The following EFNA2 variants were observed in gnomAD, a reference collection of about 807,000 sequenced individuals.
EFNA2 encodes ephrin-A2.
A neutral mutation model predicts 19.7 loss-of-function variants in EFNA2; 18 were observed. That is an observed-to-expected ratio of 0.91 (90% CI 0.63 to 1.35). The LOEUF (loss-of-function observed/expected upper bound fraction) is 1.35. Ranked by LOEUF, EFNA2 falls within the 40% of genes most tolerant of loss-of-function variation. The probability of loss-of-function intolerance (pLI) is 0.00; values close to 1 mark genes in which losing one functional copy is unlikely to be tolerated. For missense variants in EFNA2, 303 were observed against 296.0 expected (o/e 1.02, Z -0.17); for synonymous variants, 187 against 137.8 (o/e 1.36, Z -2.50).
rs1359324262 is a variant in EFNA2, at chr19:1,286,141, G to C, written c.-28G>C. On this transcript the variant is annotated 5_prime_UTR_variant, in exon 1 of 4. Coordinates refer to ENST00000215368, the MANE Select transcript of EFNA2 (RefSeq NM_001405.4). The surrounding 1 kb of genome is among the most constrained non-coding windows in gnomAD (Gnocchi z 5.6). ...GAAGGCTGGCAGGCGGCGGCCGGGA[G>C]AGCGAGCGCGGCGGCCGGACCGGGG... 1 of 869,376 alleles carries C rather than the reference G, an allele frequency of 1.2e-6. No homozygotes were observed. The highest frequency in any genetic ancestry group is 1.4e-6 in the Non-Finnish European group (1 of 725,226). 53.9% of individuals were successfully genotyped at this position (869,376 alleles called of 1,614,324 possible). A position where few individuals can be genotyped will look rare whatever the true frequency, so the allele number is the denominator to read the frequency against.
chr19:1,288,273 T>C (rs543603548), intron 1 of EFNA2, among the ~76,000 whole-genome samples: 214 of 152,316 alleles, frequency 1.4e-3, no homozygotes, highest in African/African-American at 4.9e-3. Context: ...AGTTCTCAGA[T>C]TTGGTGTCCA....
chr19:1,296,616 TC>T lies in EFNA2; in HGVS notation c.454+760del, dbSNP rs1184791949. 1.6e-4 allele frequency among the ~76,000 whole-genome samples: 24 copies of T among 152,152 alleles called. No individual in the cohort carries two copies. The highest frequency in any genetic ancestry group is 3.4e-3 in the Middle Eastern group (1 of 294). Reference sequence around the variant, plus strand: ...ATGAGCTCTGGTCGCTCCACTGCACTCCAGCCTGGGTGGCAGAGCGAGACCC... The same window carrying T: ...ATGAGCTCTGGTCGCTCCACTGCACTCAGCCTGGGTGGCAGAGCGAGACCC... On this transcript the variant is annotated intron_variant, in intron 2 of 3. Coordinates refer to ENST00000215368, the MANE Select transcript of EFNA2 (RefSeq NM_001405.4). This position sits in a 1 kb window ranked among gnomAD's most constrained non-coding sequence, Gnocchi z 4.4.
At chr19:1,291,437 T>C (rs2081491033) in intron 1 of EFNA2, among the ~76,000 whole-genome samples, 1 of 152,180 alleles carries the variant, frequency 6.6e-6, no homozygotes, top group African/African-American at 2.4e-5. Context: ...GGGGGACATC[T>C]CTTCCGTCCC....
intron 2 of EFNA2, among the ~76,000 whole-genome samples, 197 bp from the exon 3 acceptor site, chr19:1,298,354 C>T (rs1182938364): frequency 2.0e-5 from 3 of 152,164 alleles, no homozygotes; most frequent in Non-Finnish European, 2.9e-5. Context: ...GAAGGAGGAG[C>T]AGGGGGAATG....
At position 1,294,723 on chromosome 19, in the gene EFNA2, T is replaced by C. The variant is rs1003223950; in HGVS notation, c.141-822T>C. Among the ~76,000 whole-genome samples the C allele has an allele frequency of 6.6e-6, 1 of 151,908 alleles. No homozygotes were observed. The highest frequency in any genetic ancestry group is 2.4e-5 in the African/African-American group (1 of 41,350). On this transcript the variant is annotated intron_variant, in intron 1 of 3. Transcript: ENST00000215368. This position sits in a 1 kb window ranked among gnomAD's most constrained non-coding sequence, Gnocchi z 5.8. ...TGCTGAGAGGAGGGTGGAGGGATTC[T>C]TCACGCCAAGCTCCGTTCTCTTTGG...
At chr19:1,291,145 C>G (rs2081489761) in intron 1 of EFNA2, among the ~76,000 whole-genome samples, 1 of 152,190 alleles carries the variant, frequency 6.6e-6, no homozygotes. Context: ...AAGCCAGGGA[C>G]AGCCCTGGGA....
rs545527971 is a variant in EFNA2, at chr19:1,300,366, T to C, written c.*421T>C. ...GTAGCGGGGCGGGGTCCCTGTGCCC[T>C]GGCCTGGGGGAGGGGAACGCGGAAC... On this transcript the variant is annotated 3_prime_UTR_variant, in exon 4 of 4. Transcript: ENST00000215368. 1.2e-3 allele frequency: 184 copies of C among 157,288 alleles called. 1 individual carries two copies. Among genetic ancestry groups the C allele is most frequent in the African/African-American group, 4.2e-3 (174 of 40,950 alleles). 9.7% of individuals were successfully genotyped at this position (157,288 alleles called of 1,614,324 possible). A position where few individuals can be genotyped will look rare whatever the true frequency, so the allele number is the denominator to read the frequency against.
In EFNA2 at chr19:1,295,507, G is replaced by A. The variant is rs1449649297; in HGVS notation, c.141-38G>A. ...CACCCCGACCCGTGCCCCGTTCCTC[G>A]CTCCGGGCGCTGACCTCTGGCCGCC... On this transcript the variant is annotated intron_variant, in intron 1 of 3. Transcript: ENST00000215368. This position sits in a 1 kb window ranked among gnomAD's most constrained non-coding sequence, Gnocchi z 5.8. 1 of 1,499,998 alleles carries A rather than the reference G, an allele frequency of 6.7e-7. No homozygotes were observed. Among genetic ancestry groups the A allele is most frequent in the Middle Eastern group, 1.7e-4 (1 of 5,736 alleles). 92.9% of individuals were successfully genotyped at this position (1,499,998 alleles called of 1,614,324 possible). A position where few individuals can be genotyped will look rare whatever the true frequency, so the allele number is the denominator to read the frequency against.
upstream of EFNA2, among the ~76,000 whole-genome samples, chr19:1,284,853 G>A (rs958949197): frequency 2.6e-5 from 4 of 152,218 alleles, no homozygotes; most frequent in South Asian, 2.1e-4. The surrounding 1 kb of genome is among the most constrained non-coding windows in gnomAD (Gnocchi z 5.3). Flanking sequence ...CGTACAACAC[G>A]ATCTGGGCAT....
In EFNA2 at chr19:1,286,334, G is replaced by T. The variant is rs868583769; in HGVS notation, c.140+26G>T. ...GTGAGCGCGGCCGCGCGCGGGGGGC[G>T]CCCGGGGACCCCCCAACGCCCCCCA... is the stretch of plus-strand genomic sequence containing the variant. On this transcript the variant is annotated intron_variant, in intron 1 of 3. Transcript: ENST00000215368. This position sits in a 1 kb window ranked among gnomAD's most constrained non-coding sequence, Gnocchi z 5.6. 283 of 986,036 alleles carry T rather than the reference G, an allele frequency of 2.9e-4. 1 individual carries two copies. In the African/African-American group the frequency reaches 4.5e-3, roughly 16 times the overall value. The allele number at this position is 986,036 out of a possible 1,614,324, so 61.1% of individuals were successfully genotyped here.
intron 1 of EFNA2, among the ~76,000 whole-genome samples, chr19:1,288,187 G>GC (rs1207105371): frequency 6.6e-6 from 1 of 152,272 alleles, no homozygotes; most frequent in African/African-American, 2.4e-5. Flanking sequence ...GGGGCCCAGG[G>GC]CTGGGTGAGC....
At chr19:1,290,875 G>A (rs760634779) in intron 1 of EFNA2, among the ~76,000 whole-genome samples, 4 of 152,226 alleles carry the variant, frequency 2.6e-5, no homozygotes, top group African/African-American at 4.8e-5. Context: ...TCAAGCAGGC[G>A]TTTGAACTCT....
rs1449938784 is a variant in EFNA2 at position 1,300,657 on chromosome 19, A to G, written c.*712A>G. Among the ~76,000 whole-genome samples the G allele has an allele frequency of 6.6e-6, 1 of 151,836 alleles. No homozygotes were observed. Among genetic ancestry groups the G allele is most frequent in the East Asian group, 1.9e-4 (1 of 5,154 alleles). The stretch of plus-strand genomic sequence containing the variant: ...AAGGGGTACGTGGTGGGCGCCCCTC[A>G]TTGTGGCTGGGGAGACCTCATACCC... On this transcript the variant is annotated 3_prime_UTR_variant, in exon 4 of 4. Transcript: ENST00000215368.
chr19:1,291,395 G>A (rs879399169), intron 1 of EFNA2, among the ~76,000 whole-genome samples: 1 of 152,238 alleles, frequency 6.6e-6, no homozygotes, highest in Non-Finnish European at 1.5e-5. Flanking sequence ...CCCAGGTCCT[G>A]AGCAGGAGGA....
In EFNA2 at chr19:1,286,396, G is replaced by T. The variant is rs1419288814; in HGVS notation, c.140+88G>T. The T allele has an allele frequency of 8.7e-6, 5 of 575,454 alleles. No individual in the cohort carries two copies. Among genetic ancestry groups the T allele is most frequent in the South Asian group, 7.6e-5 (1 of 13,152 alleles). 35.6% of individuals were successfully genotyped at this position (575,454 alleles called of 1,614,324 possible). A position where few individuals can be genotyped will look rare whatever the true frequency, so the allele number is the denominator to read the frequency against. On this transcript the variant is annotated intron_variant, in intron 1 of 3. Transcript: ENST00000215368. This position sits in a 1 kb window ranked among gnomAD's most constrained non-coding sequence, Gnocchi z 5.6. ...GCCTCGCGCCCCCGGAGCTCCGGGC[G>T]CCCCCCACGCGCGCGCCGCCGCCGG...
intron 1 of EFNA2, among the ~76,000 whole-genome samples, chr19:1,293,704 C>A (rs2081501741): frequency 6.6e-6 from 1 of 152,262 alleles, no homozygotes; most frequent in African/African-American, 2.4e-5. Context: ...CTCTCTGTCC[C>A]TGGACGAATC....
rs1042340631 is a variant in EFNA2 at position 1,286,103 on chromosome 19, C to A, written c.-66C>A. 219 of 472,862 alleles carry A rather than the reference C, an allele frequency of 4.6e-4. No homozygotes were observed. Among genetic ancestry groups the A allele is most frequent in the Middle Eastern group, 1.0e-3 (1 of 968 alleles). The allele number at this position is 472,862 out of a possible 1,614,324, so 29.3% of individuals were successfully genotyped here. A position where few individuals can be genotyped will look rare whatever the true frequency, so the allele number is the denominator to read the frequency against. ...GCCCGCTCGGCGGCGGCGGCGGCGGCGGAGGAGGCGGAGAAGGCTGGCAGG... is the reference window on the plus strand; with the variant it reads ...GCCCGCTCGGCGGCGGCGGCGGCGGAGGAGGAGGCGGAGAAGGCTGGCAGG... On this transcript the variant is annotated 5_prime_UTR_variant, in exon 1 of 4. Coordinates refer to ENST00000215368, the MANE Select transcript of EFNA2 (RefSeq NM_001405.4). The surrounding 1 kb of genome is among the most constrained non-coding windows in gnomAD (Gnocchi z 5.6).
chr19:1,288,414 G>A (rs892546386), intron 1 of EFNA2, among the ~76,000 whole-genome samples: 3 of 152,160 alleles, frequency 2.0e-5, no homozygotes, highest in Non-Finnish European at 4.4e-5. Flanking sequence ...GGCGTCAGCC[G>A]GCAGGCCTAA....
Position 1,286,234 on chromosome 19 carries a change from CT to C in EFNA2, c.68del (p.Phe23SerfsTer41). The C allele has an allele frequency of 2.7e-6, 3 of 1,127,240 alleles. No individual in the cohort carries two copies. The highest frequency in any genetic ancestry group is 2.0e-5 in the South Asian group (1 of 51,244). The allele number at this position is 1,127,240 out of a possible 1,614,324, so 69.8% of individuals were successfully genotyped here. A position where few individuals can be genotyped will look rare whatever the true frequency, so the allele number is the denominator to read the frequency against. ...TGCTGTTACCGCTGCCGCCGCCGCC[CT>C]TCGCGCGCGCCGAGGACGCCGCCCG... ...LLLLPLPPPP[F>X]ARAEDAARAN... is the part of the protein sequence containing the mutation. On this transcript the variant is annotated frameshift_variant, in exon 1 of 4. Transcript: ENST00000215368. LOFTEE classifies it high-confidence loss of function. This position sits in a 1 kb window ranked among gnomAD's most constrained non-coding sequence, Gnocchi z 5.6.
Sources: allele counts gnomAD v4.1 joint callset (sites outside exome capture counted in the v4.1 genomes callset), GRCh38; gene constraint gnomAD v4.1.1; non-coding constraint Gnocchi (gnomAD v3.1); transcripts MANE v1.5; gene names NCBI Gene and HGNC (gene_info 2026-07-23, HGNC 2026-07-21).